Variants in B4GALT6 observed in about 807,000 individuals in gnomAD.
B4GALT6 encodes UDP-Gal:beta-GlcNAc beta-1,4-galactosyltransferase 6.
Under a neutral mutation model 46.3 loss-of-function variants are expected in B4GALT6, and 14 were observed. The ratio of observed to expected loss-of-function variants is 0.30; its 90% CI spans 0.20 to 0.47. The LOEUF is 0.47. Ranked by LOEUF, B4GALT6 falls within the 20% of genes least tolerant of loss-of-function variation. B4GALT6 has a pLI of 0.99. For missense variants in B4GALT6, 386 were observed against 480.1 expected, an observed-to-expected ratio of 0.80 and a Z score of 1.83; for synonymous variants, 168 against 162.0, an observed-to-expected ratio of 1.04 and a Z score of -0.28.
At chr18:31,718,424 T>C in the B4GALT6 span, among the ~76,000 whole-genome samples, 6 of 152,334 alleles carry the variant, frequency 3.9e-5, no homozygotes, top group South Asian at 1.2e-3. Flanking sequence ...AAGACAGTGT[T>C]GACTTATTTC....
At chr18:31,684,145 A>C (rs570334050) in intron 1 of B4GALT6, among the ~76,000 whole-genome samples, 167 bp downstream of exon 1, 1 of 152,128 alleles carries the variant, frequency 6.6e-6, no homozygotes, top group Non-Finnish European at 1.5e-5. Flanking sequence ...CACATACCAA[A>C]GCCATGCCCT....
chr18:31,692,980 TCA>T, the B4GALT6 span, among the ~76,000 whole-genome samples: 1 of 152,234 alleles, frequency 6.6e-6, no homozygotes, highest in Non-Finnish European at 1.5e-5. Context: ...TGCTTCATCC[TCA>T]GTTTTTAGCA....
intron 1 of B4GALT6, among the ~76,000 whole-genome samples, chr18:31,670,499 T>C (rs974239470): frequency 3.3e-5 from 5 of 152,164 alleles, no homozygotes; most frequent in African/African-American, 1.2e-4. Context: ...TTATTCCAAA[T>C]CATTTACAGC....
intron 2 of B4GALT6, among the ~76,000 whole-genome samples, chr18:31,662,855 A>C (rs2074235825): frequency 6.6e-6 from 1 of 152,052 alleles, no homozygotes; most frequent in South Asian, 2.1e-4. Flanking sequence ...AAAAACAAAA[A>C]CAAAAAAACC....
Position 31,648,424 on chromosome 18 carries a change from T to A in B4GALT6, c.347-2945A>T, listed in dbSNP as rs142578578. Among the ~76,000 whole-genome samples, 105 of 152,264 alleles carry A rather than the reference T, an allele frequency of 6.9e-4. No individual in the cohort carries two copies. In the East Asian group the frequency reaches 0.017, roughly 25 times the overall value. On this transcript the variant is annotated intron_variant, in intron 3 of 8. Transcript: ENST00000306851. Reference sequence around the variant, plus strand: ...AAGGAAAGAGCAGGAGAACTGAGTGTCTGAAGAGTGGAGGGGCTGCCAAGT... The same window carrying A: ...AAGGAAAGAGCAGGAGAACTGAGTGACTGAAGAGTGGAGGGGCTGCCAAGT...
the B4GALT6 span, among the ~76,000 whole-genome samples, chr18:31,720,829 T>G: frequency 6.6e-5 from 10 of 152,198 alleles, no homozygotes; most frequent in Non-Finnish European, 1.3e-4. Context: ...AATAAGCTTA[T>G]TTGGGTGTGC....
intron 1 of B4GALT6, among the ~76,000 whole-genome samples, chr18:31,683,538 G>T (rs1023759445): frequency 6.6e-6 from 1 of 152,166 alleles, no homozygotes; most frequent in Non-Finnish European, 1.5e-5. Context: ...GGGGGACGAG[G>T]AATTCGGATA....
At chr18:31,703,163 T>C in the B4GALT6 span, among the ~76,000 whole-genome samples, 4 of 152,114 alleles carry the variant, frequency 2.6e-5, no homozygotes, top group Admixed American at 2.0e-4. Flanking sequence ...TTGATAGTCA[T>C]CTTAGCTGAA....
intron 3 of B4GALT6, among the ~76,000 whole-genome samples, chr18:31,656,180 T>C (rs1379401056): frequency 1.3e-5 from 2 of 152,164 alleles, no homozygotes; most frequent in Non-Finnish European, 2.9e-5. Flanking sequence ...ATTATTGATA[T>C]ATAATATCTA....
chr18:31,717,402 T>C, the B4GALT6 span, among the ~76,000 whole-genome samples: 1 of 152,182 alleles, frequency 6.6e-6, no homozygotes, highest in South Asian at 2.1e-4. Flanking sequence ...GTGCTGCAAA[T>C]GTCTATATTT....
chr18:31,691,982 T>C, the B4GALT6 span, among the ~76,000 whole-genome samples: 4 of 152,192 alleles, frequency 2.6e-5, no homozygotes, highest in African/African-American at 7.2e-5. Flanking sequence ...CCATGACCAA[T>C]AAGGAACAAC....
chr18:31,680,640 C>T (rs913015121), intron 1 of B4GALT6, among the ~76,000 whole-genome samples: 2 of 152,214 alleles, frequency 1.3e-5, no homozygotes, highest in African/African-American at 4.8e-5. Context: ...GAAATCCCCA[C>T]TCCCAGGGAA....
the B4GALT6 span, among the ~76,000 whole-genome samples, chr18:31,722,841 C>T: frequency 2.6e-5 from 4 of 152,170 alleles, no homozygotes; most frequent in African/African-American, 9.7e-5. Context: ...GGTCTTCAAT[C>T]ACTAATGAAA....
rs368646722 is a variant in B4GALT6, at chr18:31,659,164, G to A, written c.233-1075C>T. ...TACTACAGAAAGTGAAACTCTAGCA[G>A]ACACTTTAGGAAAATGTGAAGATAT... On this transcript the variant is annotated intron_variant, in intron 2 of 8. Transcript: ENST00000306851. 6.6e-5 allele frequency among the ~76,000 whole-genome samples: 10 copies of A among 152,348 alleles called. No individual in the cohort carries two copies. The East Asian group carries it at 1.7e-3, about 26-fold the overall frequency.
chr18:31,679,291 T>C (rs1433442622), intron 1 of B4GALT6, among the ~76,000 whole-genome samples: 1 of 152,188 alleles, frequency 6.6e-6, no homozygotes, highest in Non-Finnish European at 1.5e-5. Flanking sequence ...AAGTTTCCCT[T>C]CAATATTGCC....
chr18:31,626,192 A>G (rs2073694148), intron 8 of B4GALT6, 91 bp downstream of exon 8: 1 of 671,306 alleles, frequency 1.5e-6, no homozygotes, highest in Admixed American at 3.3e-5. Flanking sequence ...TCCCTTCAGC[A>G]GCTTTTTTGG....
chr18:31,630,916 G>A (rs2073779137), intron 6 of B4GALT6, 43 bp downstream of exon 6: 1 of 1,586,534 alleles, frequency 6.3e-7, no homozygotes, highest in African/African-American at 1.3e-5. Flanking sequence ...CTATGACTGT[G>A]CAATTATATC....
At chr18:31,689,695 G>T (rs1402674133), upstream of B4GALT6, among the ~76,000 whole-genome samples, 1 of 151,082 alleles carries the variant, frequency 6.6e-6, no homozygotes, top group East Asian at 2.0e-4. Flanking sequence ...AGTGAGCCGA[G>T]ATCACACCAC....
chr18:31,683,126 AAATT>A (rs1397427910), intron 1 of B4GALT6, among the ~76,000 whole-genome samples: 2 of 152,208 alleles, frequency 1.3e-5, no homozygotes, highest in Non-Finnish European at 2.9e-5. Flanking sequence ...CTGAATCCAA[AAATT>A]AATTATTAAA....
Sources: gnomAD v4.1 joint callset for allele counts (sites outside exome capture counted in the v4.1 genomes callset) on GRCh38, gnomAD v4.1.1 for gene constraint, MANE v1.5 for transcripts, NCBI Gene and HGNC (gene_info 2026-07-23, HGNC 2026-07-21) for gene names.